DCP1A: variants seen among roughly 807,000 people sequenced by gnomAD.
DCP1A encodes the protein decapping mRNA 1A, also known as mRNA-decapping enzyme 1A.
Under a neutral mutation model 58.0 loss-of-function variants are expected in DCP1A, and 20 were observed. The observed-to-expected ratio is 0.34, with a 90% CI of 0.24 to 0.50. DCP1A has a LOEUF of 0.50. Ranked by LOEUF, DCP1A falls within the 20% of genes least tolerant of loss-of-function variation. DCP1A has a pLI of 0.98. For synonymous variants in DCP1A, 285 were observed against 275.1 expected (o/e 1.04, Z -0.36); for missense variants, 613 against 712.2 (o/e 0.86, Z 1.59).
chr3:53,339,812 A>G (rs1157648668), intron 3 of DCP1A, among the ~76,000 whole-genome samples: 1 of 152,190 alleles, frequency 6.6e-6, no homozygotes, highest in Non-Finnish European at 1.5e-5. Context: ...TTAATAATCA[A>G]ACCACTTAGG....
At chr3:53,294,018 C>T (rs1476040040) in intron 6 of DCP1A, among the ~76,000 whole-genome samples, 6 of 152,098 alleles carry the variant, frequency 3.9e-5, no homozygotes, top group Admixed American at 2.6e-4. Context: ...AGGGATGAGG[C>T]GAGCTGGCTG....
intron 3 of DCP1A, among the ~76,000 whole-genome samples, chr3:53,322,933 G>A (rs190266754): frequency 2.2e-4 from 33 of 151,844 alleles, no homozygotes; most frequent in South Asian, 4.2e-4. Context: ...TCAGCCGCCC[G>A]AGTAGCTGGG....
intron 3 of DCP1A, 92 bp downstream of exon 3, chr3:53,342,052 T>C: frequency 8.7e-7 from 1 of 1,147,444 alleles, no homozygotes; most frequent in Non-Finnish European, 1.2e-6. Flanking sequence ...ATATTTTGTT[T>C]TGTAATTTGA....
At chr3:53,344,854 T>C in intron 2 of DCP1A, 48 bp downstream of exon 2, 2 of 1,382,656 alleles carry the variant, frequency 1.4e-6, no homozygotes, top group South Asian at 1.2e-5. Flanking sequence ...TTTCACATTG[T>C]TCACCACTAG....
chr3:53,323,691 G>A (rs770786664), intron 3 of DCP1A, among the ~76,000 whole-genome samples: 4 of 151,756 alleles, frequency 2.6e-5, no homozygotes, highest in Admixed American at 1.3e-4. Context: ...GTGAAATCCC[G>A]TCTCTACTAA....
At chr3:53,287,974 T>G in intron 9 of DCP1A, 91 bp downstream of exon 9, 1 of 1,301,666 alleles carries the variant, frequency 7.7e-7, no homozygotes, top group Admixed American at 2.3e-5. Context: ...TCTTTTGAAT[T>G]TACTTTATGA....
intron 3 of DCP1A, among the ~76,000 whole-genome samples, chr3:53,320,749 T>C (rs887315625): frequency 6.0e-4 from 91 of 152,296 alleles, no homozygotes; most frequent in African/African-American, 2.1e-3. Flanking sequence ...CCTGGTGCCC[T>C]TTTATAGCCC....
At chr3:53,311,487 A>G (rs1553688631) in intron 5 of DCP1A, among the ~76,000 whole-genome samples, 1 of 152,204 alleles carries the variant, frequency 6.6e-6, no homozygotes, top group East Asian at 1.9e-4. Context: ...AAGTACCACA[A>G]TTGCCATTTT....
At chr3:53,311,795 T>C (rs781885562) in intron 5 of DCP1A, among the ~76,000 whole-genome samples, 1 of 152,218 alleles carries the variant, frequency 6.6e-6, no homozygotes, top group Non-Finnish European at 1.5e-5. Flanking sequence ...AACTAGCTGC[T>C]GCGAGCTAAC....
intron 3 of DCP1A, among the ~76,000 whole-genome samples, chr3:53,335,227 A>C (rs1274194305): frequency 1.3e-5 from 2 of 150,872 alleles, no homozygotes; most frequent in African/African-American, 4.9e-5. Flanking sequence ...TGCAACCTCC[A>C]CCTCCCGGGT....
intron 6 of DCP1A, among the ~76,000 whole-genome samples, chr3:53,299,555 C>T (rs1707245381): frequency 6.6e-6 from 1 of 152,234 alleles, no homozygotes; most frequent in African/African-American, 2.4e-5. Flanking sequence ...CTACTGGTCA[C>T]TGCAGTGGGC....
At position 53,300,971 on chromosome 3, in the gene DCP1A, T is replaced by C. The variant is rs1707297585; in HGVS notation, c.624+3206A>G. On this transcript the variant is annotated intron_variant, in intron 6 of 9. Coordinates refer to ENST00000610213, the MANE Select transcript of DCP1A (RefSeq NM_018403.7). ...CCTTATAATTCTTAAGTCATTTTTT[T>C]CTGGTCCATTTCTTCCTTAGGGTCT... Among the ~76,000 whole-genome samples, 3 of 152,170 alleles carry C rather than the reference T, an allele frequency of 2.0e-5. No homozygotes were observed. In the South Asian group the frequency reaches 6.2e-4, roughly 32 times the overall value.
intron 8 of DCP1A, among the ~76,000 whole-genome samples, chr3:53,289,017 CTT>C (rs113070074): frequency 7.0e-6 from 1 of 143,368 alleles, no homozygotes; most frequent in African/African-American, 2.5e-5. Flanking sequence ...TCCATCTCGT[CTT>C]TTTTTTTTTA....
chr3:53,339,947 G>A (rs2089177828), intron 3 of DCP1A, among the ~76,000 whole-genome samples: 3 of 152,030 alleles, frequency 2.0e-5, no homozygotes, highest in African/African-American at 2.4e-5. Context: ...TTTGAGTCAG[G>A]GTCTCGCTTG....
rs574513709 is a variant in DCP1A at position 53,289,038 on chromosome 3, T to C, written c.1450-755A>G. On this transcript the variant is annotated intron_variant, in intron 8 of 9. Coordinates refer to ENST00000610213, the MANE Select transcript of DCP1A (RefSeq NM_018403.7). ...TCGTCTTTTTTTTTTTAAGGCAGGGTCTCATTCTGTCACCCAGGTGGGAGT... is the reference window on the plus strand; with the variant it reads ...TCGTCTTTTTTTTTTTAAGGCAGGGCCTCATTCTGTCACCCAGGTGGGAGT... 2.0e-5 allele frequency among the ~76,000 whole-genome samples: 3 copies of C among 150,238 alleles called. No homozygotes were observed. In the East Asian group the frequency reaches 6.1e-4, roughly 31 times the overall value.
intron 3 of DCP1A, among the ~76,000 whole-genome samples, chr3:53,323,671 G>A (rs1708034202): frequency 6.6e-6 from 1 of 152,010 alleles, no homozygotes; most frequent in African/African-American, 2.4e-5. Flanking sequence ...AGACCAGCCT[G>A]GCCAACATGG....
At chr3:53,291,947 A>G in intron 7 of DCP1A, 122 bp downstream of exon 7, 3 of 1,090,354 alleles carry the variant, frequency 2.8e-6, no homozygotes, top group Non-Finnish European at 3.8e-6. Flanking sequence ...AGCCTCTGAC[A>G]TACTTTAAAG....
At chr3:53,318,842 T>G (rs2106849331) in intron 4 of DCP1A, among the ~76,000 whole-genome samples, 1 of 152,334 alleles carries the variant, frequency 6.6e-6, no homozygotes, top group African/African-American at 2.4e-5. Flanking sequence ...AATACAGATG[T>G]GTGTATGAGT....
intron 6 of DCP1A, 95 bp from the exon 7 acceptor site, chr3:53,292,922 AGGAT>A (rs1706978963): frequency 7.9e-7 from 1 of 1,264,690 alleles, no homozygotes; most frequent in Admixed American, 2.3e-5. Flanking sequence ...TGCAGAATCA[AGGAT>A]GGATGGAGTA....
Sources: gnomAD v4.1 joint callset for allele counts (sites outside exome capture counted in the v4.1 genomes callset) on GRCh38, gnomAD v4.1.1 for gene constraint, MANE v1.5 for transcripts, NCBI Gene and HGNC (gene_info 2026-07-23, HGNC 2026-07-21) for gene names.